TMEM132D: variants seen among roughly 807,000 people sequenced by gnomAD.
TMEM132D encodes the protein mature OL transmembrane protein.
A neutral mutation model predicts 62.3 loss-of-function variants in TMEM132D; 21 were observed. That is an observed-to-expected ratio of 0.34 (90% confidence interval 0.24 to 0.49). TMEM132D has a LOEUF of 0.49. TMEM132D is among the 20% of genes least tolerant of loss of function. The pLI, the probability that TMEM132D is intolerant of heterozygous loss-of-function variation, is 0.99. For missense variants in TMEM132D, 1,346 were observed against 1,402.8 expected (o/e 0.96, Z 0.65); for synonymous variants, 621 against 575.6 (o/e 1.08, Z -1.13).
chr12:129,184,561 T>C (rs923835076), intron 5 of TMEM132D, among the ~76,000 whole-genome samples: 6 of 152,208 alleles, frequency 3.9e-5, no homozygotes, highest in African/African-American at 1.2e-4. Context: ...TGGTGGATTT[T>C]GGGCTGGGGT....
intron 3 of TMEM132D, among the ~76,000 whole-genome samples, chr12:129,383,737 C>T: frequency 6.6e-6 from 1 of 152,226 alleles, no homozygotes; most frequent in East Asian, 1.9e-4. Flanking sequence ...CCATGCCTGG[C>T]CTCTAGGTAA....
intron 4 of TMEM132D, among the ~76,000 whole-genome samples, chr12:129,257,365 A>C (rs971831478): frequency 6.6e-6 from 1 of 151,384 alleles, no homozygotes; most frequent in Non-Finnish European, 1.5e-5. Flanking sequence ...CGCCACCACG[A>C]CCGGCTAATT....
chr12:129,665,601 T>A (rs1417139403), intron 2 of TMEM132D, among the ~76,000 whole-genome samples: 1 of 152,102 alleles, frequency 6.6e-6, no homozygotes, highest in East Asian at 1.9e-4. Flanking sequence ...AAGACTTCAT[T>A]ATTTGCTGAG....
chr12:129,825,017 T>TC (rs1872625539), intron 1 of TMEM132D, among the ~76,000 whole-genome samples: 2 of 148,572 alleles, frequency 1.3e-5, no homozygotes, highest in Non-Finnish European at 3.0e-5. Context: ...CAGTCTTTTT[T>TC]TTTTTTTTTT....
intron 2 of TMEM132D, among the ~76,000 whole-genome samples, chr12:129,673,839 T>C (rs1179445421): frequency 6.6e-6 from 1 of 152,146 alleles, no homozygotes; most frequent in Non-Finnish European, 1.5e-5. Context: ...AGAACAGAAA[T>C]AGGCCATTTA....
At chr12:129,247,425 C>T (rs796651079) in intron 4 of TMEM132D, among the ~76,000 whole-genome samples, 1 of 152,200 alleles carries the variant, frequency 6.6e-6, no homozygotes, top group African/African-American at 2.4e-5. Context: ...GTCTATCTAC[C>T]GTGGGAAATG....
intron 5 of TMEM132D, among the ~76,000 whole-genome samples, chr12:129,162,700 C>T (rs941029486): frequency 6.6e-6 from 1 of 152,062 alleles, no homozygotes; most frequent in Non-Finnish European, 1.5e-5. Context: ...CTGATTTTAC[C>T]AAATGATGTG....
chr12:129,685,538 T>G (rs1344952065), intron 2 of TMEM132D, among the ~76,000 whole-genome samples: 1 of 152,144 alleles, frequency 6.6e-6, no homozygotes, highest in Non-Finnish European at 1.5e-5. Context: ...GGCAGAAGAC[T>G]GCTACAGGGG....
intron 4 of TMEM132D, among the ~76,000 whole-genome samples, chr12:129,236,526 AAAAAAG>A (rs1879789426): frequency 6.8e-6 from 1 of 147,986 alleles, no homozygotes; most frequent in African/African-American, 2.6e-5. Flanking sequence ...AAAAAAAAAA[AAAAAAG>A]AAAAAAAAAA....
chr12:129,854,126 G>A (rs1873636409), intron 1 of TMEM132D, among the ~76,000 whole-genome samples: 1 of 152,180 alleles, frequency 6.6e-6, no homozygotes, highest in African/African-American at 2.4e-5. Flanking sequence ...GTCACTGGCT[G>A]TTCTAAGTGC....
At chr12:129,418,123 C>T (rs1872184476) in intron 3 of TMEM132D, among the ~76,000 whole-genome samples, 1 of 152,158 alleles carries the variant, frequency 6.6e-6, no homozygotes, top group Non-Finnish European at 1.5e-5. Flanking sequence ...AGTTGTTGAA[C>T]TAATGGTTGC....
intron 5 of TMEM132D, among the ~76,000 whole-genome samples, chr12:129,144,791 C>T (rs1212014278): frequency 6.6e-6 from 1 of 152,156 alleles, no homozygotes; most frequent in South Asian, 2.1e-4. Flanking sequence ...ACCTAACTAC[C>T]TGTCATTCAC....
chr12:129,310,268 G>T (rs1311467189), intron 4 of TMEM132D, among the ~76,000 whole-genome samples: 1 of 152,164 alleles, frequency 6.6e-6, no homozygotes, highest in African/African-American at 2.4e-5. Context: ...CCAGGGAACC[G>T]GTCAGGGCCT....
At chr12:129,429,171 T>C (rs933757581) in intron 3 of TMEM132D, among the ~76,000 whole-genome samples, 2 of 149,772 alleles carry the variant, frequency 1.3e-5, no homozygotes, top group South Asian at 2.1e-4. Flanking sequence ...GTCCTTCAAG[T>C]TCCTCACTGT....
chr12:129,711,174 C>G (rs892504817), intron 1 of TMEM132D, among the ~76,000 whole-genome samples: 1 of 152,202 alleles, frequency 6.6e-6, no homozygotes, highest in Non-Finnish European at 1.5e-5. Context: ...GCATTGGTCC[C>G]CCTAAAACCT....
At chr12:129,199,692 G>T (rs1284363702) in intron 5 of TMEM132D, among the ~76,000 whole-genome samples, 1 of 152,154 alleles carries the variant, frequency 6.6e-6, no homozygotes, top group African/African-American at 2.4e-5. Context: ...CACAGCAGAA[G>T]GTGTAGGAGG....
chr12:129,620,150 C>T (rs919662682), intron 2 of TMEM132D, among the ~76,000 whole-genome samples: 2 of 152,226 alleles, frequency 1.3e-5, no homozygotes, highest in Non-Finnish European at 2.9e-5. Flanking sequence ...CTGAAGCTGG[C>T]AACTCAACTT....
intron 2 of TMEM132D, among the ~76,000 whole-genome samples, chr12:129,646,050 G>A (rs906713782): frequency 2.6e-5 from 4 of 152,176 alleles, no homozygotes; most frequent in African/African-American, 9.7e-5. Context: ...TGCCTATGGG[G>A]CAGCCACCCT....
chr12:129,515,191 C>T (rs954977581), intron 3 of TMEM132D, among the ~76,000 whole-genome samples: 5 of 152,148 alleles, frequency 3.3e-5, no homozygotes, highest in African/African-American at 1.2e-4. Flanking sequence ...CCAGAAGAAA[C>T]CAGGCAACCA....
Sources: allele counts gnomAD v4.1 joint callset (sites outside exome capture counted in the v4.1 genomes callset), GRCh38; gene constraint gnomAD v4.1.1; transcripts MANE v1.5; gene names NCBI Gene and HGNC (gene_info 2026-07-23, HGNC 2026-07-21).